Variants in RP1 observed in about 807,000 individuals in gnomAD.
RP1 encodes the protein RP1 axonemal microtubule associated.
A neutral mutation model predicts 14.8 loss-of-function variants in RP1; 16 were observed. That is an observed-to-expected ratio of 1.08 (90% confidence interval 0.73 to 1.65). The LOEUF (loss-of-function observed/expected upper bound fraction) is 1.65. Ranked by LOEUF, RP1 falls within the 40% of genes most tolerant of loss-of-function variation. The pLI is 0.00. For missense variants in RP1, 2,631 were observed against 2,535.0 expected (o/e 1.04, Z -0.81); for synonymous variants, 876 against 883.6 (o/e 0.99, Z 0.15).
chr8:54,781,959 A>G (rs532684900), intron 23 of RP1, among the ~76,000 whole-genome samples: 1 of 152,212 alleles, frequency 6.6e-6, no homozygotes, highest in East Asian at 1.9e-4. Context: ...TTCTATGCAA[A>G]CTTATTCCCG....
chr8:54,736,528 C>G (rs1450637836), intron 18 of RP1, among the ~76,000 whole-genome samples: 2 of 152,152 alleles, frequency 1.3e-5, no homozygotes, highest in African/African-American at 4.8e-5. Context: ...GTGTGCCGTG[C>G]GCTGCACCTG....
intron 1 of RP1, among the ~76,000 whole-genome samples, chr8:54,574,758 T>G (rs1804606479): frequency 6.6e-6 from 1 of 152,208 alleles, no homozygotes; most frequent in South Asian, 2.1e-4. Context: ...TGAACTGTCT[T>G]AAAACAACAA....
chr8:54,834,474 T>C (rs1462358235), intron 24 of RP1, among the ~76,000 whole-genome samples: 1 of 152,032 alleles, frequency 6.6e-6, no homozygotes, highest in African/African-American at 2.4e-5. Context: ...GGACCCCTGT[T>C]TAGTTTCAGA....
chr8:54,732,551 T>C (rs946214560), intron 17 of RP1, among the ~76,000 whole-genome samples: 4 of 152,114 alleles, frequency 2.6e-5, no homozygotes, highest in Non-Finnish European at 5.9e-5. Context: ...GTGATTCTTT[T>C]AGATGAATAA....
At chr8:54,572,263 G>A (rs1804539926) in intron 1 of RP1, among the ~76,000 whole-genome samples, 2 of 152,372 alleles carry the variant, frequency 1.3e-5, no homozygotes, top group Middle Eastern at 6.8e-3. Flanking sequence ...GGGTGTTTCA[G>A]CTGACCGGCA....
chr8:54,756,818 C>T (rs1809517766), intron 21 of RP1, among the ~76,000 whole-genome samples: 1 of 152,166 alleles, frequency 6.6e-6, no homozygotes, highest in Non-Finnish European at 1.5e-5. Context: ...CATTTTGCAG[C>T]AGTGCTGTAT....
At chr8:54,816,454 G>A (rs1327459893) in intron 24 of RP1, among the ~76,000 whole-genome samples, 1 of 152,158 alleles carries the variant, frequency 6.6e-6, no homozygotes, top group Non-Finnish European at 1.5e-5. Flanking sequence ...GACTTTTAAT[G>A]AAAAGTCTCT....
chr8:54,681,674 G>A (rs1423165663), intron 12 of RP1, among the ~76,000 whole-genome samples: 1 of 151,812 alleles, frequency 6.6e-6, no homozygotes, highest in African/African-American at 2.4e-5. Flanking sequence ...TATTCTTCCT[G>A]ATGCTCTCCC....
chr8:54,752,263 C>G (rs1563366080), intron 19 of RP1, among the ~76,000 whole-genome samples: 1 of 152,144 alleles, frequency 6.6e-6, no homozygotes, highest in Admixed American at 6.5e-5. Context: ...TAAATGTGAG[C>G]TATACATAAA....
intron 5 of RP1, among the ~76,000 whole-genome samples, chr8:54,654,604 T>C (rs1806718339): frequency 6.6e-6 from 1 of 152,224 alleles, no homozygotes; most frequent in African/African-American, 2.4e-5. Context: ...TTCCTGAACC[T>C]GTCTGAGTCT....
intron 1 of RP1, among the ~76,000 whole-genome samples, chr8:54,583,736 T>C (rs1804852271): frequency 6.6e-6 from 1 of 152,210 alleles, no homozygotes; most frequent in Non-Finnish European, 1.5e-5. Flanking sequence ...TGGGAGGGTG[T>C]ATGTGTTGAG....
chr8:54,717,881 T>A (rs1385111694), intron 15 of RP1, among the ~76,000 whole-genome samples: 1 of 152,106 alleles, frequency 6.6e-6, no homozygotes, highest in Non-Finnish European at 1.5e-5. Flanking sequence ...CAGTAAGTGT[T>A]TATAGTGAGG....
At chr8:54,660,158 G>T (rs939183167) in intron 6 of RP1, among the ~76,000 whole-genome samples, 1 of 151,926 alleles carries the variant, frequency 6.6e-6, no homozygotes, top group Non-Finnish European at 1.5e-5. Flanking sequence ...TTCCAAGTTG[G>T]TTATCTTTTA....
At chr8:54,605,269 T>C (rs1346961012) in intron 1 of RP1, among the ~76,000 whole-genome samples, 1 of 152,230 alleles carries the variant, frequency 6.6e-6, no homozygotes, top group Admixed American at 6.5e-5. Flanking sequence ...AAAGAACATC[T>C]TTATTACTGC....
intron 7 of RP1, among the ~76,000 whole-genome samples, chr8:54,668,067 A>G (rs1217466745): frequency 6.6e-6 from 1 of 152,190 alleles, no homozygotes; most frequent in Non-Finnish European, 1.5e-5. Context: ...ATCCCTGATG[A>G]ACATCAATGC....
At chr8:54,700,168 C>G (rs1807978186) in intron 13 of RP1, among the ~76,000 whole-genome samples, 1 of 151,792 alleles carries the variant, frequency 6.6e-6, no homozygotes, top group Non-Finnish European at 1.5e-5. Flanking sequence ...CAGTCTGACA[C>G]TAACACCAGT....
intron 22 of RP1, among the ~76,000 whole-genome samples, chr8:54,764,334 G>C (rs1355255777): frequency 6.6e-6 from 1 of 152,240 alleles, no homozygotes; most frequent in Non-Finnish European, 1.5e-5. Context: ...TGTGTTCTCA[G>C]CTGGTGCTGT....
intron 24 of RP1, among the ~76,000 whole-genome samples, chr8:54,829,945 A>G (rs1811479446): frequency 6.6e-6 from 1 of 152,172 alleles, no homozygotes. Flanking sequence ...TTTTATATCC[A>G]TTTAATTTGG....
intron 12 of RP1, among the ~76,000 whole-genome samples, chr8:54,688,054 A>G (rs1404375330): frequency 6.6e-6 from 1 of 152,074 alleles, no homozygotes; most frequent in Non-Finnish European, 1.5e-5. Flanking sequence ...GTATTTCTCT[A>G]ATGACCAGTG....
Sources: allele counts gnomAD v4.1 joint callset (sites outside exome capture counted in the v4.1 genomes callset), GRCh38; gene constraint gnomAD v4.1.1; transcripts MANE v1.5; gene names NCBI Gene and HGNC (gene_info 2026-07-23, HGNC 2026-07-21).